Variants in GABRA4 observed in about 807,000 individuals in gnomAD.
The protein encoded by GABRA4 is gamma-aminobutyric acid receptor subunit alpha-4.
A neutral mutation model predicts 49.7 loss-of-function variants in GABRA4; 12 were observed. The ratio of observed to expected loss-of-function variants is 0.24; its 90% CI spans 0.15 to 0.39. The LOEUF is 0.39. Among genes scored for constraint, GABRA4 ranks in the 10% least tolerant of loss-of-function variants. GABRA4 has a pLI of 1.00. For synonymous variants in GABRA4, 288 were observed against 240.2 expected (o/e 1.20, Z -1.84); for missense variants, 506 against 686.0 (o/e 0.74, Z 2.93).
chr4:46,956,953 A>C (rs1486689584), intron 8 of GABRA4, among the ~76,000 whole-genome samples: 3 of 152,064 alleles, frequency 2.0e-5, no homozygotes, highest in African/African-American at 7.2e-5. Flanking sequence ...GCGCTAAATA[A>C]GTACAGCAAT....
intron 8 of GABRA4, among the ~76,000 whole-genome samples, chr4:46,952,181 A>T (rs143070972): frequency 6.6e-6 from 1 of 152,012 alleles, no homozygotes; most frequent in Non-Finnish European, 1.5e-5. Context: ...ATAAAAATTG[A>T]ACTCAAATTC....
At chr4:46,979,704 A>G (rs879635680) in intron 2 of GABRA4, among the ~76,000 whole-genome samples, 10 of 152,090 alleles carry the variant, frequency 6.6e-5, no homozygotes, top group Non-Finnish European at 1.3e-4. Context: ...TAACTCCTCA[A>G]TAGTAGCCAC....
At chr4:46,962,957 C>T (rs1722630630) in intron 8 of GABRA4, among the ~76,000 whole-genome samples, 2 of 151,682 alleles carry the variant, frequency 1.3e-5, no homozygotes, top group Admixed American at 1.3e-4. Flanking sequence ...AGAATCAAAT[C>T]AAAATGAATT....
chr4:46,953,693 C>A (rs1402466563), intron 8 of GABRA4, among the ~76,000 whole-genome samples: 2 of 152,076 alleles, frequency 1.3e-5, no homozygotes, highest in African/African-American at 4.8e-5. Flanking sequence ...TTTTCTCTGA[C>A]CGCTTTCTAC....
intron 8 of GABRA4, among the ~76,000 whole-genome samples, chr4:46,930,297 G>A (rs975670208): frequency 2.0e-5 from 3 of 151,984 alleles, no homozygotes; most frequent in Admixed American, 6.6e-5. Context: ...TACTTATCCT[G>A]CAGTTTTCCT....
chr4:46,950,025 C>A (rs1446250277), intron 8 of GABRA4, among the ~76,000 whole-genome samples: 2 of 152,088 alleles, frequency 1.3e-5, no homozygotes, highest in African/African-American at 2.4e-5. Context: ...TAACAGGTAA[C>A]CTCCTTGGTG....
chr4:46,942,626 G>GGA (rs1560466038), intron 8 of GABRA4, among the ~76,000 whole-genome samples: 4 of 110,638 alleles, frequency 3.6e-5, no homozygotes, highest in Admixed American at 9.0e-5. Flanking sequence ...CTCTGTCTCA[G>GGA]AAAAAAAAAA....
At chr4:46,969,210 A>G (rs1375271493) in intron 7 of GABRA4, among the ~76,000 whole-genome samples, 1 of 151,386 alleles carries the variant, frequency 6.6e-6, no homozygotes, top group Non-Finnish European at 1.5e-5. Context: ...GATTACAGGC[A>G]CCTATGATGG....
At chr4:46,982,583 T>C (rs1053897312) in intron 2 of GABRA4, among the ~76,000 whole-genome samples, 6 of 152,078 alleles carry the variant, frequency 3.9e-5, no homozygotes, top group Non-Finnish European at 8.8e-5. Context: ...CCAAAATTTA[T>C]CGTTTTTCCT....
chr4:46,931,557 A>G (rs1339670751), intron 8 of GABRA4, among the ~76,000 whole-genome samples: 1 of 152,076 alleles, frequency 6.6e-6, no homozygotes, highest in East Asian at 1.9e-4. Flanking sequence ...CTGCCTCCAT[A>G]TTCATGCTCC....
chr4:46,977,976 G>A (rs1723205964), intron 3 of GABRA4, among the ~76,000 whole-genome samples: 1 of 152,102 alleles, frequency 6.6e-6, no homozygotes, highest in South Asian at 2.1e-4. Context: ...ATCAGTTAAA[G>A]TGTAAAAAAT....
At chr4:46,964,467 A>G (rs2109374594) in intron 8 of GABRA4, among the ~76,000 whole-genome samples, 1 of 151,936 alleles carries the variant, frequency 6.6e-6, no homozygotes, top group East Asian at 1.9e-4. Flanking sequence ...TGGCTACCCC[A>G]TTTTCCATGA....
At chr4:46,972,468 G>C (rs1466087118) in intron 6 of GABRA4, among the ~76,000 whole-genome samples, 1 of 151,404 alleles carries the variant, frequency 6.6e-6, no homozygotes, top group Non-Finnish European at 1.5e-5. Context: ...CATACAAAAA[G>C]CTGTACATAT....
chr4:46,944,798 G>A (rs768614113), intron 8 of GABRA4, among the ~76,000 whole-genome samples: 5 of 151,908 alleles, frequency 3.3e-5, no homozygotes, highest in Admixed American at 6.6e-5. Flanking sequence ...TCTTCACACC[G>A]CATCCTAATG....
chr4:46,975,552 C>A (rs753175946), intron 5 of GABRA4, among the ~76,000 whole-genome samples: 2 of 151,822 alleles, frequency 1.3e-5, no homozygotes, highest in Non-Finnish European at 2.9e-5. Context: ...TTCCTCTTTC[C>A]AGATTAATTA....
intron 8 of GABRA4, among the ~76,000 whole-genome samples, chr4:46,949,772 A>C (rs1294202289): frequency 6.6e-6 from 1 of 152,274 alleles, no homozygotes; most frequent in South Asian, 2.1e-4. Context: ...TTGAAATATG[A>C]ATGCAATTCA....
chr4:46,934,135 A>T (rs1721530616), intron 8 of GABRA4, among the ~76,000 whole-genome samples: 1 of 152,194 alleles, frequency 6.6e-6, no homozygotes, highest in African/African-American at 2.4e-5. Context: ...AGTTTAATAA[A>T]ATGTAACTTA....
Position 46,993,577 on chromosome 4 carries a change from CGT to C in GABRA4, c.-155_-154del. ...CTCAGCCAGCCCGAGCCGCGGTGGG[CGT>C]GTGTGTGCACGGGGCCAGGGGAGGC... On this transcript the variant is annotated 5_prime_UTR_variant, in exon 1 of 9. Coordinates refer to ENST00000264318, the MANE Select transcript of GABRA4 (RefSeq NM_000809.4). The C allele has an allele frequency of 4.2e-6, 3 of 722,090 alleles. No homozygotes were observed. The highest frequency in any genetic ancestry group is 3.4e-5 in the South Asian group (2 of 58,620). 44.7% of individuals were successfully genotyped at this position (722,090 alleles called of 1,614,324 possible).
At chr4:46,933,396 T>TA (rs1399655276) in intron 8 of GABRA4, among the ~76,000 whole-genome samples, 1 of 152,184 alleles carries the variant, frequency 6.6e-6, no homozygotes, top group African/African-American at 2.4e-5. Context: ...CTAAGGCATT[T>TA]AAGTTATCTT....
Sources: allele counts gnomAD v4.1 joint callset (sites outside exome capture counted in the v4.1 genomes callset), GRCh38; gene constraint gnomAD v4.1.1; transcripts MANE v1.5; gene names NCBI Gene and HGNC (gene_info 2026-07-23, HGNC 2026-07-21).